Variants in SSPN observed in about 807,000 individuals in gnomAD.
The protein encoded by SSPN is sarcospan.
SSPN carries 15 observed loss-of-function variants against 19.1 expected under a neutral mutation model. The ratio of observed to expected loss-of-function variants is 0.78; its 90% CI spans 0.52 to 1.21. The LOEUF (loss-of-function observed/expected upper bound fraction) is 1.21. Among genes scored for constraint, SSPN ranks in the 50% most tolerant of loss-of-function variants. SSPN has a pLI of 0.00. For missense variants in SSPN, 291 were observed against 314.0 expected (o/e 0.93, Z 0.55); for synonymous variants, 147 against 140.3 (o/e 1.05, Z -0.34).
chr12:26,122,745 C>A, intron 1 of SSPN: 1 of 1,597,532 alleles, frequency 6.3e-7, no homozygotes, highest in Non-Finnish European at 8.5e-7. Context: ...CGCCCCCGCG[C>A]CTTTGCCTTT....
At position 26,208,025 on chromosome 12, in the gene SSPN, G is replaced by A. The variant is rs570779598; in HGVS notation, c.279+12074G>A. Among the ~76,000 whole-genome samples, 10 of 151,036 alleles carry A rather than the reference G, an allele frequency of 6.6e-5. No homozygotes were observed. In the East Asian group the frequency reaches 1.8e-3, roughly 27 times the overall value. ...AAAAGAAAGTGGTGGTGGTGGGGGGGGGGGATATATAACAGTTAATTCATT... is the reference window on the plus strand; with the variant it reads ...AAAAGAAAGTGGTGGTGGTGGGGGGAGGGGATATATAACAGTTAATTCATT... On this transcript the variant is annotated intron_variant, in intron 1 of 2. Transcript: ENST00000242729.
At chr12:26,135,424 C>A (rs1944419777) in intron 1 of SSPN, among the ~76,000 whole-genome samples, 1 of 152,078 alleles carries the variant, frequency 6.6e-6, no homozygotes, top group Admixed American at 6.5e-5. Flanking sequence ...AGCTGGTAGG[C>A]ACAGAGGAGG....
At chr12:26,177,419 C>T (rs1375140548) in intron 1 of SSPN, among the ~76,000 whole-genome samples, 1 of 152,186 alleles carries the variant, frequency 6.6e-6, no homozygotes, top group Non-Finnish European at 1.5e-5. Context: ...GAGGTGTAAC[C>T]TTGAACAGTC....
chr12:26,203,856 T>C (rs1449477926), intron 1 of SSPN, among the ~76,000 whole-genome samples: 1 of 152,176 alleles, frequency 6.6e-6, no homozygotes, highest in Non-Finnish European at 1.5e-5. Context: ...GGCTGCCTTC[T>C]TGCTGTGTGC....
intron 1 of SSPN, among the ~76,000 whole-genome samples, chr12:26,179,259 A>T (rs1488358721): frequency 2.6e-5 from 4 of 152,130 alleles, no homozygotes; most frequent in African/African-American, 9.7e-5. Context: ...GAATGAAAGG[A>T]TCCTAGTGTG....
intron 1 of SSPN, chr12:26,125,188 G>A: frequency 2.9e-6 from 1 of 341,584 alleles, no homozygotes; most frequent in Non-Finnish European, 5.6e-6. Context: ...CGAACGGCAG[G>A]AGGGGGCGGG....
At chr12:26,194,414 C>T (rs1314775710), upstream of SSPN, among the ~76,000 whole-genome samples, 1 of 152,240 alleles carries the variant, frequency 6.6e-6, no homozygotes, top group Non-Finnish European at 1.5e-5. Context: ...AACTAGGAGT[C>T]TTGCTCTGTC....
chr12:26,174,417 C>G (rs1944670578), intron 1 of SSPN, among the ~76,000 whole-genome samples: 1 of 152,080 alleles, frequency 6.6e-6, no homozygotes, highest in Non-Finnish European at 1.5e-5. Context: ...CCATCACCTT[C>G]TAAAATTTTC....
intron 2 of SSPN, 50 bp from the exon 3 acceptor site, chr12:26,230,661 T>C (rs769404486): frequency 6.5e-7 from 1 of 1,533,252 alleles, no homozygotes; most frequent in East Asian, 2.3e-5. Context: ...TTGCAAATCA[T>C]CATCCAATGT....
At chr12:26,160,234 A>G (rs949685931) in intron 1 of SSPN, among the ~76,000 whole-genome samples, 1 of 152,238 alleles carries the variant, frequency 6.6e-6, no homozygotes, top group African/African-American at 2.4e-5. Flanking sequence ...GACTCTGTCT[A>G]TGATATTTAA....
At chr12:26,138,731 A>G (rs1004347544) in intron 1 of SSPN, among the ~76,000 whole-genome samples, 5 of 152,190 alleles carry the variant, frequency 3.3e-5, no homozygotes, top group South Asian at 2.1e-4. Context: ...AAGCCAAGAC[A>G]TTTTTTTAAC....
chr12:26,150,117 G>C (rs7959650), intron 1 of SSPN, among the ~76,000 whole-genome samples: 148,514 of 152,276 alleles, frequency 0.98, 72,525 homozygotes, highest in East Asian at 1. Context: ...ATAGCTTCTT[G>C]TTGATTGTGT....
chr12:26,167,989 G>A (rs933954534), intron 1 of SSPN, among the ~76,000 whole-genome samples: 2 of 152,164 alleles, frequency 1.3e-5, no homozygotes, highest in African/African-American at 4.8e-5. Context: ...TGAGGTGGGA[G>A]GACAGCTTGA....
At chr12:26,206,798 C>T (rs1223335756) in intron 1 of SSPN, among the ~76,000 whole-genome samples, 1 of 152,232 alleles carries the variant, frequency 6.6e-6, no homozygotes, top group Non-Finnish European at 1.5e-5. Flanking sequence ...GATTCTCTTA[C>T]ATTCTTTGGA....
intron 1 of SSPN, among the ~76,000 whole-genome samples, chr12:26,182,477 GT>G (rs1194657327): frequency 6.6e-6 from 1 of 152,124 alleles, no homozygotes; most frequent in Admixed American, 6.5e-5. Context: ...TATAGTTTTA[GT>G]AAGTAAAAAT....
chr12:26,195,049 C>G (rs1370348652), upstream of SSPN, among the ~76,000 whole-genome samples: 1 of 152,106 alleles, frequency 6.6e-6, no homozygotes, highest in Non-Finnish European at 1.5e-5. Context: ...AGTCCAATAT[C>G]TTTAGAAAGA....
upstream of SSPN, chr12:26,195,416 C>T (rs191786136): frequency 6.5e-3 from 3,351 of 512,998 alleles, 17 homozygotes; most frequent in Middle Eastern, 0.013. Context: ...TTTCCGCGGG[C>T]GACCTGCAAA....
chr12:26,123,548 G>A, intron 1 of SSPN: 1 of 941,902 alleles, frequency 1.1e-6, no homozygotes, highest in Non-Finnish European at 1.8e-6. Flanking sequence ...GAGATGGGGT[G>A]CGGGTGAGGG....
intron 1 of SSPN, among the ~76,000 whole-genome samples, chr12:26,185,451 G>T (rs896350928): frequency 2.6e-5 from 4 of 152,156 alleles, no homozygotes; most frequent in Admixed American, 6.5e-5. Context: ...CCAAAAAAAG[G>T]GTTGGGTATT....
Sources: allele counts gnomAD v4.1 joint callset (sites outside exome capture counted in the v4.1 genomes callset), GRCh38; gene constraint gnomAD v4.1.1; transcripts MANE v1.5; gene names NCBI Gene and HGNC (gene_info 2026-07-23, HGNC 2026-07-21).